Variants in RETREG1 observed in about 807,000 individuals in gnomAD.
RETREG1 encodes reticulophagy regulator 1, also known as family with sequence similarity 134 member B.
RETREG1 carries 44 observed loss-of-function variants against 54.8 expected under a neutral mutation model. The ratio of observed to expected loss-of-function variants is 0.80; its 90% CI spans 0.63 to 1.03. The LOEUF (loss-of-function observed/expected upper bound fraction) is 1.03. Ranked by LOEUF, RETREG1 falls within the 50% of genes least tolerant of loss-of-function variation. The pLI is 0.00. For synonymous variants in RETREG1, 217 were observed against 238.5 expected (o/e 0.91, Z 0.83); for missense variants, 554 against 605.1 (o/e 0.92, Z 0.89).
At chr5:16,609,931 C>T (rs1347872961) in intron 1 of RETREG1, among the ~76,000 whole-genome samples, 2 of 152,150 alleles carry the variant, frequency 1.3e-5, no homozygotes, top group Admixed American at 6.5e-5. Context: ...CAAACTGGAA[C>T]ATGTATTGAA....
At chr5:16,545,302 T>A (rs946803877) in intron 3 of RETREG1, among the ~76,000 whole-genome samples, 2 of 152,174 alleles carry the variant, frequency 1.3e-5, no homozygotes, top group Non-Finnish European at 2.9e-5. Context: ...TAAGAAGCTA[T>A]GAGCTGGGGA....
chr5:16,492,251 A>C (rs545585995), intron 3 of RETREG1, among the ~76,000 whole-genome samples: 57 of 149,994 alleles, frequency 3.8e-4, no homozygotes, highest in Non-Finnish European at 5.0e-4. Context: ...ACACACACAC[A>C]CCATTCTTGT....
intron 2 of RETREG1, among the ~76,000 whole-genome samples, chr5:16,570,902 G>C (rs1742156559): frequency 1.3e-5 from 2 of 152,186 alleles, no homozygotes; most frequent in Admixed American, 1.3e-4. Flanking sequence ...AAAGTGCATT[G>C]AAGAATACAA....
At chr5:16,528,290 T>G (rs1045334736) in intron 3 of RETREG1, among the ~76,000 whole-genome samples, 5 of 152,152 alleles carry the variant, frequency 3.3e-5, no homozygotes, top group African/African-American at 9.7e-5. Context: ...TTTACATATA[T>G]TAACATAACT....
chr5:16,580,058 AC>A (rs1381549910), intron 1 of RETREG1, among the ~76,000 whole-genome samples: 2 of 152,172 alleles, frequency 1.3e-5, no homozygotes, highest in Non-Finnish European at 2.9e-5. Flanking sequence ...TTTTTCAGAT[AC>A]CATTTTTGAA....
chr5:16,606,356 C>A (rs889251049), intron 1 of RETREG1, among the ~76,000 whole-genome samples: 1 of 152,180 alleles, frequency 6.6e-6, no homozygotes, highest in Admixed American at 6.5e-5. Context: ...ATCTCCCCAA[C>A]ACTCTCCCCC....
chr5:16,551,324 T>C (rs1354723084), intron 3 of RETREG1, among the ~76,000 whole-genome samples: 3 of 152,148 alleles, frequency 2.0e-5, no homozygotes, highest in African/African-American at 4.8e-5. Context: ...GAACTGTTGA[T>C]AAAGGCCTCC....
At position 16,561,517 on chromosome 5, in the gene RETREG1, TAAATAAAATA is replaced by T. The variant is rs1022401766; in HGVS notation, c.458+4236_458+4245del. ...GTCTCAAAAAATAATAATAATAAAATAAATAAAATAAAATAAAATACAAATACAAATAAAT... is the reference window on the plus strand; with the variant it reads ...GTCTCAAAAAATAATAATAATAAAATAAATAAAATACAAATACAAATAAAT... On this transcript the variant is annotated intron_variant, in intron 3 of 8. Coordinates refer to ENST00000306320, the MANE Select transcript of RETREG1 (RefSeq NM_001034850.3). This position sits in a 1 kb window ranked among gnomAD's most constrained non-coding sequence, Gnocchi z 4.2. Among the ~76,000 whole-genome samples, 1 of 151,560 alleles carries T rather than the reference TAAATAAAATA, an allele frequency of 6.6e-6. No homozygotes were observed. The highest frequency in any genetic ancestry group is 2.4e-5 in the African/African-American group (1 of 41,254).
chr5:16,598,535 C>G (rs951719202), intron 1 of RETREG1, among the ~76,000 whole-genome samples: 7 of 152,238 alleles, frequency 4.6e-5, no homozygotes, highest in African/African-American at 1.7e-4. Flanking sequence ...TTCACCCAAA[C>G]CACTTCTACT....
chr5:16,616,493 G>A (rs1743512994), intron 1 of RETREG1, 159 bp downstream of exon 1: 2 of 1,288,970 alleles, frequency 1.6e-6, no homozygotes, highest in Non-Finnish European at 2.1e-6. Context: ...TGCGGTGAGT[G>A]TCTACCTGTT....
intron 1 of RETREG1, among the ~76,000 whole-genome samples, chr5:16,588,562 T>G (rs573101638): frequency 6.6e-6 from 1 of 152,310 alleles, no homozygotes; most frequent in Admixed American, 6.5e-5. Context: ...ACAAGCCGTG[T>G]GCTGTGCCCT....
intron 1 of RETREG1, among the ~76,000 whole-genome samples, chr5:16,599,624 C>T (rs1382290245): frequency 6.6e-6 from 1 of 152,180 alleles, no homozygotes; most frequent in African/African-American, 2.4e-5. Flanking sequence ...CCATATACCA[C>T]GGTGCTGGGA....
intron 3 of RETREG1, among the ~76,000 whole-genome samples, chr5:16,550,856 T>C (rs955679488): frequency 2.6e-5 from 4 of 152,258 alleles, no homozygotes; most frequent in Non-Finnish European, 4.4e-5. Context: ...TGCTAATTCA[T>C]ATGTTGCATG....
At chr5:16,583,528 G>A (rs2126327354) in intron 1 of RETREG1, among the ~76,000 whole-genome samples, 1 of 151,902 alleles carries the variant, frequency 6.6e-6, no homozygotes, top group South Asian at 2.1e-4. Context: ...ATATACATAT[G>A]TATAATTTTT....
intron 1 of RETREG1, among the ~76,000 whole-genome samples, chr5:16,590,668 A>G (rs1742739606): frequency 6.6e-6 from 1 of 152,176 alleles, no homozygotes; most frequent in Non-Finnish European, 1.5e-5. Flanking sequence ...AAGTGATGGC[A>G]TTACCCAATT....
chr5:16,486,516 T>C (rs549863877), intron 3 of RETREG1, among the ~76,000 whole-genome samples: 1 of 152,360 alleles, frequency 6.6e-6, no homozygotes, highest in South Asian at 2.1e-4. Flanking sequence ...ACATTTGATG[T>C]CAACTTTTCA....
At chr5:16,591,508 A>G (rs1029255597) in intron 1 of RETREG1, among the ~76,000 whole-genome samples, 2 of 148,436 alleles carry the variant, frequency 1.3e-5, no homozygotes, top group African/African-American at 4.9e-5. Flanking sequence ...AGGAGCTATA[A>G]CAGGAGGAAC....
intron 3 of RETREG1, among the ~76,000 whole-genome samples, chr5:16,495,956 T>G (rs1379782852): frequency 6.6e-6 from 1 of 152,138 alleles, no homozygotes; most frequent in Non-Finnish European, 1.5e-5. Flanking sequence ...GTTATCAAAT[T>G]GCCAATTGAT....
At chr5:16,542,130 G>C (rs1198851318) in intron 3 of RETREG1, among the ~76,000 whole-genome samples, 2 of 152,212 alleles carry the variant, frequency 1.3e-5, no homozygotes, top group Non-Finnish European at 2.9e-5. Context: ...CCACAACTAA[G>C]ATGCAGAACA....
Sources: gnomAD v4.1 joint callset for allele counts (sites outside exome capture counted in the v4.1 genomes callset) on GRCh38, gnomAD v4.1.1 for gene constraint, Gnocchi (gnomAD v3.1) non-coding constraint, MANE v1.5 for transcripts, NCBI Gene and HGNC (gene_info 2026-07-23, HGNC 2026-07-21) for gene names.